The following EBF1 variants were observed in gnomAD, a reference collection of about 807,000 sequenced individuals.
EBF1 encodes the protein EBF transcription factor 1, also known as transcription factor COE1.
EBF1 carries 10 observed loss-of-function variants against 68.4 expected under a neutral mutation model. The observed-to-expected ratio is 0.15, with a 90% CI of 0.09 to 0.25. The LOEUF (loss-of-function observed/expected upper bound fraction) is 0.25. EBF1 is among the 10% of genes least tolerant of loss of function. The pLI is 1.00. For missense variants in EBF1, 509 were observed against 794.4 expected (o/e 0.64, Z 4.32); for synonymous variants, 298 against 299.8 (o/e 0.99, Z 0.06).
At chr5:159,012,445 C>A (rs1332918802) in intron 6 of EBF1, among the ~76,000 whole-genome samples, 1 of 152,058 alleles carries the variant, frequency 6.6e-6, no homozygotes, top group Non-Finnish European at 1.5e-5. Flanking sequence ...GAAGTCCTAA[C>A]CCCCAGTACC....
At chr5:159,097,369 G>A (rs1431739359) in intron 1 of EBF1, 1 of 542,514 alleles carries the variant, frequency 1.8e-6, no homozygotes, top group Non-Finnish European at 3.2e-6. Context: ...CGCTGAAGAG[G>A]TGTGAAAGTT....
rs17056300 is a variant in EBF1 at position 158,843,979 on chromosome 5, C to T, written c.555-3869G>A. Among the ~76,000 whole-genome samples, 633 of 152,220 alleles carry T rather than the reference C, an allele frequency of 4.2e-3. 34 individuals are homozygous for T. The East Asian group carries it at 0.11, about 26-fold the overall frequency. The stretch of plus-strand genomic sequence containing the variant: ...AGCAGAGGTTATTGTAACTCAAAAC[C>T]TCACTTTTGTCTAATGAATTGCTGC... On this transcript the variant is annotated intron_variant, in intron 6 of 15. Transcript: ENST00000313708.
chr5:158,957,967 A>G lies in EBF1; in HGVS notation c.554+115429T>C, dbSNP rs556292981. On this transcript the variant is annotated intron_variant, in intron 6 of 15. Transcript: ENST00000313708. ...CGAGGCTTAGAGGGAAAAAGGAAAA[A>G]ATAATAATAAGAAAACGTAAAGAAA... Among the ~76,000 whole-genome samples the G allele has an allele frequency of 2.0e-5, 3 of 152,308 alleles. No individual in the cohort carries two copies. The East Asian group carries it at 5.8e-4, about 29-fold the overall frequency.
intron 6 of EBF1, among the ~76,000 whole-genome samples, chr5:158,963,286 CA>C (rs1016155730): frequency 1.3e-5 from 2 of 151,646 alleles, no homozygotes; most frequent in African/African-American, 4.8e-5. Context: ...AGGTTTACCA[CA>C]AAAAAAACAA....
intron 6 of EBF1, chr5:159,019,136 G>A (rs1187508305): frequency 1.3e-5 from 2 of 152,172 alleles, no homozygotes; most frequent in Admixed American, 6.5e-5. Flanking sequence ...CCCACGACCA[G>A]AGAAAAGTTT....
intron 6 of EBF1, among the ~76,000 whole-genome samples, chr5:158,909,895 T>G (rs1805527399): frequency 7.4e-6 from 1 of 135,312 alleles, no homozygotes; most frequent in African/African-American, 2.8e-5. Context: ...AAGCAGAGGT[T>G]GCAGTGAGCC....
Position 158,875,056 on chromosome 5 carries a change from T to TACACACACACAC in EBF1, c.555-34958_555-34947dup, listed in dbSNP as rs3035121. On this transcript the variant is annotated intron_variant, in intron 6 of 15. Transcript: ENST00000313708. ...ACACACACAAGCACACACACACACA[T>TACACACACACAC]ACACACACACACACACACACACACA... is the stretch of plus-strand genomic sequence containing the variant. Among the ~76,000 whole-genome samples, 807 of 147,390 alleles carry TACACACACACAC rather than the reference T, an allele frequency of 5.5e-3. 5 individuals are homozygous for TACACACACACAC. Among genetic ancestry groups the TACACACACACAC allele is most frequent in the African/African-American group, 0.018 (736 of 39,902 alleles).
intron 6 of EBF1, among the ~76,000 whole-genome samples, chr5:158,899,066 A>T (rs1802747419): frequency 6.6e-6 from 1 of 152,280 alleles, no homozygotes. Flanking sequence ...TGAATACAAG[A>T]TGCGTAAGTT....
At position 159,048,065 on chromosome 5, in the gene EBF1, C is replaced by CA. The variant is rs1772787934; in HGVS notation, c.554+25330dup. On this transcript the variant is annotated intron_variant, in intron 6 of 15. Coordinates refer to ENST00000313708, the MANE Select transcript of EBF1 (RefSeq NM_024007.5). ...TGTGGAAATACCTTATTCTCCAGAG[C>CA]AAAATCATAACACCTGGTCCAACAG... Among the ~76,000 whole-genome samples, 3 of 152,248 alleles carry CA rather than the reference C, an allele frequency of 2.0e-5. No homozygotes were observed. In the South Asian group the frequency reaches 6.2e-4, roughly 32 times the overall value.
chr5:158,862,218 GA>G (rs567786942), intron 6 of EBF1, among the ~76,000 whole-genome samples: 2 of 151,028 alleles, frequency 1.3e-5, no homozygotes, highest in East Asian at 1.9e-4. Flanking sequence ...AGTTTCATCT[GA>G]AAAAAAAATG....
chr5:158,973,160 A>AT (rs1196772938), intron 6 of EBF1, among the ~76,000 whole-genome samples: 3 of 151,906 alleles, frequency 2.0e-5, no homozygotes, highest in Non-Finnish European at 2.9e-5. Context: ...GAGGGCAGGG[A>AT]TTTTTTCACT....
chr5:158,889,050 C>T (rs1346251102), intron 6 of EBF1, among the ~76,000 whole-genome samples: 1 of 152,172 alleles, frequency 6.6e-6, no homozygotes, highest in Non-Finnish European at 1.5e-5. Flanking sequence ...TTTTTCCCCA[C>T]ATATGTTCCC....
At chr5:158,997,631 G>A (rs940389225) in intron 6 of EBF1, among the ~76,000 whole-genome samples, 1 of 151,890 alleles carries the variant, frequency 6.6e-6, no homozygotes, top group African/African-American at 2.4e-5. Context: ...ATTTTCACTG[G>A]TGCTTGTCCT....
intron 10 of EBF1, among the ~76,000 whole-genome samples, chr5:158,741,481 G>A (rs1766400590): frequency 6.6e-6 from 1 of 151,792 alleles, no homozygotes. Flanking sequence ...AGGCTGAAGT[G>A]GGAGAACAGC....
At chr5:158,839,739 A>T (rs749304094) in intron 7 of EBF1, among the ~76,000 whole-genome samples, 4 of 152,102 alleles carry the variant, frequency 2.6e-5, no homozygotes, top group Admixed American at 6.5e-5. Context: ...AGGATTCATC[A>T]TTTCTATGTA....
At chr5:158,967,560 G>A (rs747232970) in intron 6 of EBF1, among the ~76,000 whole-genome samples, 6 of 152,088 alleles carry the variant, frequency 3.9e-5, no homozygotes, top group Non-Finnish European at 8.8e-5. Flanking sequence ...TTTGGAAGAG[G>A]GCAGAGAGTT....
intron 7 of EBF1, among the ~76,000 whole-genome samples, chr5:158,831,239 C>A (rs1470336172): frequency 3.3e-5 from 5 of 152,022 alleles, no homozygotes; most frequent in Non-Finnish European, 7.4e-5. Context: ...CTATGGCATA[C>A]GGACATGGAA....
At chr5:158,992,224 G>GA (rs35596220) in intron 6 of EBF1, among the ~76,000 whole-genome samples, 25,972 of 139,238 alleles carry the variant, frequency 0.19, 2,730 homozygotes, top group African/African-American at 0.32. Context: ...CCTTGTAAGG[G>GA]AAAAAAAAAA....
At chr5:158,976,028 C>T (rs550903819) in intron 6 of EBF1, among the ~76,000 whole-genome samples, 1 of 152,326 alleles carries the variant, frequency 6.6e-6, no homozygotes, top group Admixed American at 6.5e-5. Context: ...GTCCAATAGA[C>T]TGTCTCCAAA....
Sources: allele counts gnomAD v4.1 joint callset (sites outside exome capture counted in the v4.1 genomes callset), GRCh38; gene constraint gnomAD v4.1.1; transcripts MANE v1.5; gene names NCBI Gene and HGNC (gene_info 2026-07-23, HGNC 2026-07-21).